Variants in VKORC1L1 observed in about 807,000 individuals in gnomAD.
VKORC1L1 encodes the protein vitamin K epoxide reductase complex subunit 1L1.
Under a neutral mutation model 18.9 loss-of-function variants are expected in VKORC1L1, and 2 were observed. That is an observed-to-expected ratio of 0.11 (90% CI 0.04 to 0.33). VKORC1L1 has a LOEUF of 0.33. Ranked by LOEUF, VKORC1L1 falls within the 10% of genes least tolerant of loss-of-function variation. The pLI is 1.00. For synonymous variants in VKORC1L1, 96 were observed against 100.0 expected, an observed-to-expected ratio of 0.96 and a Z score of 0.24; for missense variants, 123 against 224.1, an observed-to-expected ratio of 0.55 and a Z score of 2.88.
intron 1 of VKORC1L1, among the ~76,000 whole-genome samples, chr7:65,896,524 A>G (rs1471975828): frequency 6.6e-6 from 1 of 150,654 alleles, no homozygotes; most frequent in Non-Finnish European, 1.5e-5. Flanking sequence ...TTCCGCTCCT[A>G]TCTTCCCCTC....
At chr7:65,874,894 A>G (rs1207201874) in intron 1 of VKORC1L1, among the ~76,000 whole-genome samples, 1 of 152,246 alleles carries the variant, frequency 6.6e-6, no homozygotes, top group Non-Finnish European at 1.5e-5. Context: ...AAATATTCTC[A>G]TAGTTATATC....
chr7:65,928,115 G>A (rs1479422396), intron 1 of VKORC1L1, among the ~76,000 whole-genome samples: 1 of 151,968 alleles, frequency 6.6e-6, no homozygotes, highest in Non-Finnish European at 1.5e-5. Flanking sequence ...TTTTTTTAAT[G>A]GGAAGAAAAT....
chr7:65,878,361 C>T (rs1321873706), intron 1 of VKORC1L1, among the ~76,000 whole-genome samples: 1 of 151,944 alleles, frequency 6.6e-6, no homozygotes, highest in East Asian at 1.9e-4. Flanking sequence ...GCAGGAGAAT[C>T]ACTTGAACCC....
chr7:65,900,369 T>G (rs1388953386), intron 1 of VKORC1L1, among the ~76,000 whole-genome samples: 1 of 150,424 alleles, frequency 6.6e-6, no homozygotes, highest in African/African-American at 2.5e-5. Context: ...CACTCCAGCC[T>G]GGGTGACAGA....
intron 1 of VKORC1L1, among the ~76,000 whole-genome samples, chr7:65,893,148 TA>T (rs1789136397): frequency 6.6e-6 from 1 of 152,252 alleles, no homozygotes. Flanking sequence ...CTCATTTTTT[TA>T]ATCTGTTTTG....
intron 1 of VKORC1L1, among the ~76,000 whole-genome samples, chr7:65,908,385 C>T (rs964536002): frequency 6.6e-6 from 1 of 152,098 alleles, no homozygotes; most frequent in Non-Finnish European, 1.5e-5. Flanking sequence ...TGCACTCCAG[C>T]TTGGGTGACA....
chr7:65,943,201 C>G (rs889487158), intron 1 of VKORC1L1, among the ~76,000 whole-genome samples: 10 of 151,780 alleles, frequency 6.6e-5, no homozygotes. Context: ...GAGTTCGAGA[C>G]GAGCCTGGCC....
At chr7:65,873,772 A>C (rs1788774781) in intron 1 of VKORC1L1, among the ~76,000 whole-genome samples, 1 of 145,618 alleles carries the variant, frequency 6.9e-6, no homozygotes, top group Non-Finnish European at 1.5e-5. Flanking sequence ...CGCGGGGCGG[A>C]GGTGGCGGGG....
Position 65,954,317 on chromosome 7 carries a change from C to G in VKORC1L1, c.*17C>G. On this transcript the variant is annotated 3_prime_UTR_variant, in exon 3 of 3. Coordinates refer to ENST00000360768, the MANE Select transcript of VKORC1L1 (RefSeq NM_173517.6). ...CAGGACTGACGCCCGACAGACTCCA[C>G]CCTAACAGTCTCAAGCCCCTTTCCA... The G allele has an allele frequency of 6.2e-7, 1 of 1,613,822 alleles. No homozygotes were observed. The highest frequency in any genetic ancestry group is 8.5e-7 in the Non-Finnish European group (1 of 1,179,986).
rs1408048826 is a variant in VKORC1L1, at chr7:65,903,185, T to C, written c.194+29620T>C. On this transcript the variant is annotated intron_variant, in intron 1 of 2. Coordinates refer to ENST00000360768, the MANE Select transcript of VKORC1L1 (RefSeq NM_173517.6). ...TTGGCCTTCATTTTTTTTTTTTTTTTCAAGACAGAGTCTCACTCTTGCCCA... is the reference window on the plus strand; with the variant it reads ...TTGGCCTTCATTTTTTTTTTTTTTTCCAAGACAGAGTCTCACTCTTGCCCA... Among the ~76,000 whole-genome samples the C allele has an allele frequency of 2.1e-5, 3 of 145,760 alleles. No individual in the cohort carries two copies. The Admixed American group carries it at 2.1e-4, about 10-fold the overall frequency.
chr7:65,954,465 A>G lies in VKORC1L1; in HGVS notation c.*165A>G, dbSNP rs1790262683. 1.0e-5 allele frequency: 12 copies of G among 1,191,788 alleles called. No homozygotes were observed. The highest frequency in any genetic ancestry group is 1.1e-5 in the Non-Finnish European group (10 of 899,242). The allele number at this position is 1,191,788 out of a possible 1,614,324, so 73.8% of individuals were successfully genotyped here. Reference sequence around the variant, plus strand: ...CGGTAAATTAGAAGGGGCCCTCGCTATTTTCTGTGTCAGTCTTCATTTTAA... The same window carrying G: ...CGGTAAATTAGAAGGGGCCCTCGCTGTTTTCTGTGTCAGTCTTCATTTTAA... On this transcript the variant is annotated 3_prime_UTR_variant, in exon 3 of 3. Transcript: ENST00000360768.
intron 1 of VKORC1L1, among the ~76,000 whole-genome samples, chr7:65,897,257 G>A (rs191873041): frequency 6.6e-6 from 1 of 152,116 alleles, no homozygotes; most frequent in African/African-American, 2.4e-5. Context: ...GTTGCAGTCA[G>A]TGTAAGAGTT....
chr7:65,927,939 A>G (rs1374800269), intron 1 of VKORC1L1, among the ~76,000 whole-genome samples: 2 of 152,088 alleles, frequency 1.3e-5, no homozygotes, highest in Non-Finnish European at 2.9e-5. Context: ...CTGCTGGGTG[A>G]AAGGGGAGGC....
chr7:65,874,317 AG>A (rs1788788242), intron 1 of VKORC1L1, among the ~76,000 whole-genome samples: 1 of 152,008 alleles, frequency 6.6e-6, no homozygotes, highest in African/African-American at 2.4e-5. Flanking sequence ...GTAAAGGACA[AG>A]TATGTTATGT....
At chr7:65,886,099 A>G (rs914573952) in intron 1 of VKORC1L1, among the ~76,000 whole-genome samples, 8 of 152,224 alleles carry the variant, frequency 5.3e-5, no homozygotes, top group East Asian at 1.9e-4. Flanking sequence ...CAAAGATAGT[A>G]TTAGAGTAAA....
intron 1 of VKORC1L1, among the ~76,000 whole-genome samples, chr7:65,911,391 GTAGT>G (rs1229375087): frequency 6.6e-6 from 1 of 152,006 alleles, no homozygotes; most frequent in Non-Finnish European, 1.5e-5. Context: ...ATACATTTAG[GTAGT>G]TGGTAAAATA....
At chr7:65,931,711 G>A (rs1174791332) in intron 1 of VKORC1L1, among the ~76,000 whole-genome samples, 1 of 151,894 alleles carries the variant, frequency 6.6e-6, no homozygotes, top group Non-Finnish European at 1.5e-5. Flanking sequence ...GGGTGATCTC[G>A]GCTCACTGCA....
At chr7:65,895,514 T>TACACACAC (rs1236686939) in intron 1 of VKORC1L1, among the ~76,000 whole-genome samples, 25 of 77,494 alleles carry the variant, frequency 3.2e-4, no homozygotes, top group East Asian at 1.1e-3. Context: ...TATATATATA[T>TACACACAC]ATACACACAC....
At chr7:65,867,571 C>T in the VKORC1L1 span, among the ~76,000 whole-genome samples, 1 of 151,968 alleles carries the variant, frequency 6.6e-6, no homozygotes, top group African/African-American at 2.4e-5. Flanking sequence ...TTCTTCAGTC[C>T]CATGTCTGGC....
Sources: gnomAD v4.1 joint callset for allele counts (sites outside exome capture counted in the v4.1 genomes callset) on GRCh38, gnomAD v4.1.1 for gene constraint, MANE v1.5 for transcripts, NCBI Gene and HGNC (gene_info 2026-07-23, HGNC 2026-07-21) for gene names.